The following XPO1 variants were observed in gnomAD, a reference collection of about 807,000 sequenced individuals.
The protein encoded by XPO1 is exportin 1.
In XPO1, 5 loss-of-function variants were observed where a neutral mutation model predicts 133.3. The ratio of observed to expected loss-of-function variants is 0.04; its 90% CI spans 0.02 to 0.08. The LOEUF (loss-of-function observed/expected upper bound fraction) is 0.08. XPO1 is among the 10% of genes least tolerant of loss of function. XPO1 has a pLI of 1.00. For synonymous variants in XPO1, 419 were observed against 408.2 expected (o/e 1.03, Z -0.32); for missense variants, 506 against 1,267.5 (o/e 0.40, Z 9.12).
chr2:61,520,611 C>T (rs2104730442), intron 4 of XPO1, among the ~76,000 whole-genome samples: 1 of 152,234 alleles, frequency 6.6e-6, no homozygotes, highest in Non-Finnish European at 1.5e-5. Flanking sequence ...TGCCAATGCA[C>T]TCCAGCCTGA....
At chr2:61,523,033 C>T (rs987502856) in intron 3 of XPO1, among the ~76,000 whole-genome samples, 8 of 152,220 alleles carry the variant, frequency 5.3e-5, no homozygotes, top group Non-Finnish European at 1.2e-4. Context: ...TGCTCATAGG[C>T]TCACGTACTT....
At chr2:61,515,157 A>G (rs1286903145) in intron 4 of XPO1, among the ~76,000 whole-genome samples, 8 of 152,122 alleles carry the variant, frequency 5.3e-5, no homozygotes, top group African/African-American at 1.9e-4. Context: ...AGGGGCAGTG[A>G]AGGTGAAAGT....
intron 24 of XPO1, among the ~76,000 whole-genome samples, chr2:61,479,844 T>C (rs997540245): frequency 6.6e-6 from 1 of 152,130 alleles, no homozygotes; most frequent in African/African-American, 2.4e-5. Flanking sequence ...ATTACAGGCA[T>C]GAGCCACTGC....
chr2:61,490,554 T>C, intron 17 of XPO1, 88 bp downstream of exon 17: 7 of 1,556,188 alleles, frequency 4.5e-6, no homozygotes, highest in South Asian at 2.3e-5. Context: ...CACACATACA[T>C]GTTAAAAGGC....
intron 7 of XPO1, among the ~76,000 whole-genome samples, 197 bp downstream of exon 7, chr2:61,499,516 C>A (rs895531560): frequency 6.6e-6 from 1 of 152,292 alleles, no homozygotes; most frequent in African/African-American, 2.4e-5. Context: ...GTGTCTTGAA[C>A]AATTCATTTT....
chr2:61,537,397 AT>A, intron 1 of XPO1, among the ~76,000 whole-genome samples, 164 bp downstream of exon 1: 1 of 149,810 alleles, frequency 6.7e-6, no homozygotes, highest in Non-Finnish European at 1.5e-5. Context: ...AAGCGGCTCC[AT>A]TCAATCGCAG....
At chr2:61,494,820 A>G (rs1174404084) in intron 11 of XPO1, 1 of 148,206 alleles carries the variant, frequency 6.7e-6, no homozygotes, top group Non-Finnish European at 1.5e-5. Flanking sequence ...TTAAGTTTAT[A>G]TATATATATA....
At chr2:61,502,550 C>G (rs1431479045) in intron 4 of XPO1, 1 of 369,094 alleles carries the variant, frequency 2.7e-6, no homozygotes, top group East Asian at 5.5e-5. Context: ...GCCAGGAATT[C>G]GAGACCAGCA....
chr2:61,490,021 G>A (rs889003653), intron 17 of XPO1, among the ~76,000 whole-genome samples: 60 of 151,598 alleles, frequency 4.0e-4, no homozygotes, highest in East Asian at 3.9e-4. Context: ...CTCCCGAGTA[G>A]CTGGGATTAC....
intron 12 of XPO1, 111 bp downstream of exon 12, chr2:61,493,783 T>C (rs1195591608): frequency 2.6e-6 from 3 of 1,169,816 alleles, no homozygotes; most frequent in East Asian, 2.4e-5. Context: ...GGAGAAGTTG[T>C]TGGGTTCTCT....
At chr2:61,537,245 T>TGGGGAACCCCTCCCACCCCGCGCG (rs1699392879) in intron 1 of XPO1, 1 of 151,438 alleles carries the variant, frequency 6.6e-6, no homozygotes, top group African/African-American at 2.4e-5. Context: ...CCCCAGGGGC[T>TGGGGAACCCCTCCCACCCCGCGCG]GGGGAACCCC....
At chr2:61,501,734 A>G (rs1228256072) in intron 6 of XPO1, among the ~76,000 whole-genome samples, 1 of 129,596 alleles carries the variant, frequency 7.7e-6, no homozygotes, top group Admixed American at 8.0e-5. Flanking sequence ...AAAAAAAAAA[A>G]AAAGAAAAGA....
At chr2:61,483,568 A>G in intron 21 of XPO1, 1 of 185,330 alleles carries the variant, frequency 5.4e-6, no homozygotes, top group Non-Finnish European at 1.1e-5. Context: ...AAAGAACCTC[A>G]TGAATATTTT....
chr2:61,518,643 C>CA (rs200913976), intron 4 of XPO1, among the ~76,000 whole-genome samples: 83 of 148,378 alleles, frequency 5.6e-4, no homozygotes, highest in African/African-American at 1.5e-3. Flanking sequence ...AAAAACAGAC[C>CA]AAAAAAAAAC....
At chr2:61,494,285 A>G (rs950536192) in intron 11 of XPO1, 194 bp from the exon 12 acceptor site, 31 of 518,496 alleles carry the variant, frequency 6.0e-5, no homozygotes, top group Non-Finnish European at 2.4e-5. Context: ...AGCACTTCAA[A>G]AATCTCTCAC....
At chr2:61,521,270 T>C (rs372770198) in intron 4 of XPO1, among the ~76,000 whole-genome samples, 7 of 152,176 alleles carry the variant, frequency 4.6e-5, no homozygotes, top group African/African-American at 1.7e-4. Flanking sequence ...TTAAGTCAGA[T>C]TAGCTAAGTA....
At chr2:61,487,132 G>A (rs912328680) in intron 19 of XPO1, among the ~76,000 whole-genome samples, 3 of 151,628 alleles carry the variant, frequency 2.0e-5, no homozygotes, top group South Asian at 2.1e-4. Flanking sequence ...CACCCGCCTC[G>A]GCCTCCCAAA....
In XPO1 at chr2:61,498,563, T is replaced by G; in HGVS notation, c.759+110A>C. On this transcript the variant is annotated intron_variant, in intron 9 of 24. Transcript: ENST00000401558. The stretch of plus-strand genomic sequence containing the variant: ...AAATTTCTCCTGAGCAGCGTCCTCG[T>G]GTTAGAAACAAGGTTGAATAAGGTT... 4 of 1,399,192 alleles carry G rather than the reference T, an allele frequency of 2.9e-6. No individual in the cohort carries two copies. In the South Asian group the frequency reaches 4.5e-5, roughly 16 times the overall value. The allele number at this position is 1,399,192 out of a possible 1,614,324, so 86.7% of individuals were successfully genotyped here.
intron 24 of XPO1, 25 bp from the exon 25 acceptor site, chr2:61,478,991 T>A (rs1322648211): frequency 6.2e-7 from 1 of 1,601,690 alleles, no homozygotes; most frequent in Non-Finnish European, 8.5e-7. Context: ...AGTTGAAATG[T>A]CAACGCAATA....
Sources: allele counts gnomAD v4.1 joint callset (sites outside exome capture counted in the v4.1 genomes callset), GRCh38; gene constraint gnomAD v4.1.1; transcripts MANE v1.5; gene names NCBI Gene and HGNC (gene_info 2026-07-23, HGNC 2026-07-21).